Variants in AUTS2 observed in about 807,000 individuals in gnomAD.
The protein encoded by AUTS2 is autism susceptibility gene 2 protein.
Under a neutral mutation model 112.4 loss-of-function variants are expected in AUTS2, and 17 were observed. That is an observed-to-expected ratio of 0.15 (90% CI 0.10 to 0.23). The LOEUF is 0.23. Ranked by LOEUF, AUTS2 falls within the 10% of genes least tolerant of loss-of-function variation. AUTS2 has a pLI of 1.00. For missense variants in AUTS2, 1,510 were observed against 1,701.6 expected, an observed-to-expected ratio of 0.89 and a Z score of 1.98; for synonymous variants, 751 against 702.7, an observed-to-expected ratio of 1.07 and a Z score of -1.09.
At chr7:70,597,526 G>C (rs79667256) in intron 5 of AUTS2, among the ~76,000 whole-genome samples, 1 of 152,320 alleles carries the variant, frequency 6.6e-6, no homozygotes, top group Non-Finnish European at 1.5e-5. Context: ...ATTCAAAGCA[G>C]AGTGAGTATG....
At chr7:69,973,734 A>C (rs1057187408) in intron 2 of AUTS2, among the ~76,000 whole-genome samples, 1 of 152,114 alleles carries the variant, frequency 6.6e-6, no homozygotes, top group South Asian at 2.1e-4. Flanking sequence ...GGTAGAGTAC[A>C]TTGCTTGATT....
chr7:70,225,305 G>A (rs752953408), intron 4 of AUTS2, among the ~76,000 whole-genome samples: 1 of 152,164 alleles, frequency 6.6e-6, no homozygotes, highest in African/African-American at 2.4e-5. Context: ...GTTTTTAAAA[G>A]TTAATTTAGG....
intron 6 of AUTS2, among the ~76,000 whole-genome samples, chr7:70,708,877 T>C (rs1809885176): frequency 6.6e-6 from 1 of 152,066 alleles, no homozygotes; most frequent in Admixed American, 6.6e-5. Context: ...TACAGTCCAC[T>C]TTTTTCACGT....
chr7:70,026,293 C>T (rs977290114), intron 2 of AUTS2, among the ~76,000 whole-genome samples: 9 of 152,196 alleles, frequency 5.9e-5, no homozygotes, highest in African/African-American at 1.2e-4. Flanking sequence ...TTGTCTTCTA[C>T]CTTCCCTTGC....
intron 1 of AUTS2, among the ~76,000 whole-genome samples, chr7:69,872,123 G>T (rs1405461117): frequency 6.6e-6 from 1 of 152,166 alleles, no homozygotes; most frequent in Non-Finnish European, 1.5e-5. Context: ...CAAGTGCCGA[G>T]CCCTTCTGAG....
intron 1 of AUTS2, among the ~76,000 whole-genome samples, chr7:69,761,531 G>T (rs1208436328): frequency 6.6e-6 from 1 of 152,118 alleles, no homozygotes; most frequent in African/African-American, 2.4e-5. Context: ...TGTGTGATTT[G>T]TGTGTATTTC....
At chr7:70,120,860 C>A (rs1805645307) in intron 3 of AUTS2, among the ~76,000 whole-genome samples, 1 of 152,156 alleles carries the variant, frequency 6.6e-6, no homozygotes, top group Admixed American at 6.5e-5. Flanking sequence ...TTCTCAAATA[C>A]ATATGAAATG....
At chr7:70,583,209 T>C (rs78949837) in intron 5 of AUTS2, among the ~76,000 whole-genome samples, 2,522 of 152,288 alleles carry the variant, frequency 0.017, 71 homozygotes, top group African/African-American at 0.058. Context: ...AATTTTTCCC[T>C]TTAGTTAAGT....
intron 14 of AUTS2, among the ~76,000 whole-genome samples, chr7:70,778,585 G>A (rs63674163): frequency 0.014 from 272 of 20,028 alleles, 4 homozygotes; most frequent in South Asian, 0.043. Context: ...AAAAAAAAAA[G>A]AGTAAAAAAT....
At chr7:69,879,825 G>A (rs1275590826) in intron 1 of AUTS2, among the ~76,000 whole-genome samples, 4 of 152,010 alleles carry the variant, frequency 2.6e-5, no homozygotes, top group Admixed American at 2.0e-4. Context: ...TTTGAGACAA[G>A]GTCTTACCCT....
chr7:70,754,002 A>G (rs1789028624), intron 6 of AUTS2, among the ~76,000 whole-genome samples: 1 of 148,366 alleles, frequency 6.7e-6, no homozygotes, highest in South Asian at 2.1e-4. Context: ...TAAAAATACA[A>G]AAAAAAAAAT....
chr7:70,698,396 G>A (rs1809253541), intron 5 of AUTS2, among the ~76,000 whole-genome samples, 173 bp from the exon 6 acceptor site: 1 of 152,078 alleles, frequency 6.6e-6, no homozygotes, highest in Non-Finnish European at 1.5e-5. Flanking sequence ...TGCACTGCAG[G>A]TCTCTCTCAA....
intron 1 of AUTS2, among the ~76,000 whole-genome samples, chr7:69,856,945 T>C (rs1168808825): frequency 6.6e-6 from 1 of 152,192 alleles, no homozygotes; most frequent in Non-Finnish European, 1.5e-5. Flanking sequence ...TTTTGTATTC[T>C]TCTAGGAACT....
chr7:70,142,861 A>C (rs1321189446), intron 4 of AUTS2, among the ~76,000 whole-genome samples: 1 of 152,082 alleles, frequency 6.6e-6, no homozygotes, highest in Non-Finnish European at 1.5e-5. Context: ...ACATTACAGA[A>C]ATTTGTTGCA....
intron 2 of AUTS2, among the ~76,000 whole-genome samples, chr7:69,985,655 A>G (rs751335147): frequency 3.1e-4 from 47 of 151,932 alleles, no homozygotes; most frequent in Non-Finnish European, 6.0e-4. Context: ...TTGCTCTACC[A>G]CACATCCCCA....
At chr7:70,712,617 C>G (rs1167439801) in intron 6 of AUTS2, among the ~76,000 whole-genome samples, 1 of 152,174 alleles carries the variant, frequency 6.6e-6, no homozygotes, top group East Asian at 1.9e-4. Flanking sequence ...AGTCACAACT[C>G]TGTTTTCACA....
chr7:70,429,766 C>T (rs916143810), intron 4 of AUTS2, among the ~76,000 whole-genome samples: 1 of 151,818 alleles, frequency 6.6e-6, no homozygotes, highest in East Asian at 1.9e-4. Context: ...TTTCATTTTT[C>T]AAGAATTTGA....
chr7:69,859,739 A>T (rs1792891119), intron 1 of AUTS2, among the ~76,000 whole-genome samples: 1 of 152,194 alleles, frequency 6.6e-6, no homozygotes, highest in African/African-American at 2.4e-5. Context: ...CTTCAGATAG[A>T]TGCTCTAGTT....
At chr7:70,786,302 C>T (rs765806787) in intron 17 of AUTS2, among the ~76,000 whole-genome samples, 3 of 152,314 alleles carry the variant, frequency 2.0e-5, no homozygotes, top group Non-Finnish European at 4.4e-5. Context: ...TACTCAAGTG[C>T]GGAGTTTCAT....
Sources: allele counts gnomAD v4.1 joint callset (sites outside exome capture counted in the v4.1 genomes callset), GRCh38; gene constraint gnomAD v4.1.1; transcripts MANE v1.5; gene names NCBI Gene and HGNC (gene_info 2026-07-23, HGNC 2026-07-21).